Variants in HS1BP3 observed in about 807,000 individuals in gnomAD.
The protein encoded by HS1BP3 is HCLS1-binding protein 3.
In HS1BP3, 32 loss-of-function variants were observed where a neutral mutation model predicts 33.5. The observed-to-expected ratio is 0.95, with a 90% CI of 0.72 to 1.28. The LOEUF (loss-of-function observed/expected upper bound fraction) is 1.28. Among genes scored for constraint, HS1BP3 ranks in the 50% most tolerant of loss-of-function variants. HS1BP3 has a pLI of 0.00. For missense variants in HS1BP3, 486 were observed against 502.3 expected, an observed-to-expected ratio of 0.97 and a Z score of 0.31; for synonymous variants, 187 against 209.2, an observed-to-expected ratio of 0.89 and a Z score of 0.92.
intron 2 of HS1BP3, among the ~76,000 whole-genome samples, chr2:20,603,881 A>G (rs1361655507): frequency 1.3e-5 from 2 of 152,204 alleles, no homozygotes; most frequent in Non-Finnish European, 2.9e-5. Context: ...CTTCCCAGCT[A>G]TGTAAGCTCC....
At chr2:20,641,223 A>AG in intron 2 of HS1BP3, 43 bp from the exon 3 acceptor site, 2 of 1,555,486 alleles carry the variant, frequency 1.3e-6, no homozygotes, top group Non-Finnish European at 1.7e-6. Context: ...GAAGAGTGGC[A>AG]GGCAGTGCTC....
chr2:20,588,889 T>C (rs1348048366), downstream of HS1BP3, among the ~76,000 whole-genome samples: 1 of 152,222 alleles, frequency 6.6e-6, no homozygotes, highest in Non-Finnish European at 1.5e-5. Context: ...CTCAGCCTTC[T>C]GAGAGCCTGA....
rs1695680883 is a variant in HS1BP3 at position 20,651,042 on chromosome 2, C to G, written c.22G>C (p.Val8Leu). ...GGGGGTCTGGCTCACCTGGAGGTGA[C>G]GAGCACCGCCGGGGACTGCATGACG... MQSPAVLVTSRRLQNAHT... is the reference protein window; with the variant it reads MQSPAVLLTSRRLQNAHT... The change falls in exon 1 of 7, where the codon GTC becomes CTC. Residue 8 changes from valine (V) to leucine (L), a missense_variant. Physicochemically the swap from Val to Leu is conservative, Grantham distance 32. Transcript: ENST00000304031. The G allele has an allele frequency of 8.1e-7, 1 of 1,240,238 alleles. No homozygotes were observed. Among genetic ancestry groups the G allele is most frequent in the Non-Finnish European group, 1.0e-6 (1 of 992,786 alleles). The allele number at this position is 1,240,238 out of a possible 1,614,324, so 76.8% of individuals were successfully genotyped here. A position where few individuals can be genotyped will look rare whatever the true frequency, so the allele number is the denominator to read the frequency against.
chr2:20,556,312 T>C (rs1692839352), downstream of HS1BP3, among the ~76,000 whole-genome samples: 1 of 152,246 alleles, frequency 6.6e-6, no homozygotes. Context: ...GGTAATTTGC[T>C]TAAACCTTGG....
At chr2:20,587,269 C>T (rs749324398) in intron 5 of HS1BP3, among the ~76,000 whole-genome samples, 3 of 152,038 alleles carry the variant, frequency 2.0e-5, no homozygotes, top group East Asian at 1.9e-4. Context: ...GGAAAAGAAA[C>T]GAAAGTGAAA....
intron 5 of HS1BP3, among the ~76,000 whole-genome samples, chr2:20,587,540 G>A (rs990491542): frequency 6.6e-6 from 1 of 152,182 alleles, no homozygotes; most frequent in Non-Finnish European, 1.5e-5. Context: ...AGAGCAGGAT[G>A]TTTGTGTTCA....
At chr2:20,560,270 A>G (rs563989060), downstream of HS1BP3, among the ~76,000 whole-genome samples, 2 of 152,236 alleles carry the variant, frequency 1.3e-5, no homozygotes, top group African/African-American at 2.4e-5. Flanking sequence ...CAGGCCCACT[A>G]TCTCATTTGT....
At chr2:20,601,898 A>G (rs1694080252) in intron 2 of HS1BP3, among the ~76,000 whole-genome samples, 1 of 142,634 alleles carries the variant, frequency 7.0e-6, no homozygotes, top group Non-Finnish European at 1.5e-5. Flanking sequence ...CATATCTTGT[A>G]AGTTATGTTG....
At chr2:20,565,196 C>T (rs1336850271) in intron 5 of HS1BP3, among the ~76,000 whole-genome samples, 1 of 152,164 alleles carries the variant, frequency 6.6e-6, no homozygotes, top group Admixed American at 6.5e-5. Flanking sequence ...AGAGCTAGCC[C>T]CCAGCTCAGT....
chr2:20,570,104 T>C (rs913311953), intron 5 of HS1BP3, among the ~76,000 whole-genome samples: 6 of 152,130 alleles, frequency 3.9e-5, no homozygotes, highest in African/African-American at 1.4e-4. Flanking sequence ...CCACAAGCAA[T>C]TCCAGGGCTT....
intron 5 of HS1BP3, among the ~76,000 whole-genome samples, chr2:20,579,723 C>A (rs189910899): frequency 1.1e-4 from 17 of 152,370 alleles, no homozygotes; most frequent in Admixed American, 7.8e-4. Context: ...AATACCCTCC[C>A]TCCAGGACCA....
chr2:20,648,439 C>T (rs767537421), intron 1 of HS1BP3, among the ~76,000 whole-genome samples: 3 of 152,212 alleles, frequency 2.0e-5, no homozygotes, highest in Admixed American at 6.5e-5. Context: ...CTCCTCTGGT[C>T]TGACTTGTCA....
At chr2:20,641,226 C>A (rs371635959) in intron 2 of HS1BP3, 46 bp from the exon 3 acceptor site, 1 of 1,548,120 alleles carries the variant, frequency 6.5e-7, no homozygotes, top group Non-Finnish European at 8.8e-7. Flanking sequence ...GAGTGGCAGG[C>A]AGTGCTCCTT....
At chr2:20,602,504 G>T (rs1210222704) in intron 2 of HS1BP3, among the ~76,000 whole-genome samples, 1 of 151,320 alleles carries the variant, frequency 6.6e-6, no homozygotes, top group Non-Finnish European at 1.5e-5. Flanking sequence ...GGAATAAAGT[G>T]GAGTATAAAA....
At chr2:20,566,600 GTT>G (rs796882255) in intron 5 of HS1BP3, among the ~76,000 whole-genome samples, 1 of 145,846 alleles carries the variant, frequency 6.9e-6, no homozygotes, top group African/African-American at 2.6e-5. Context: ...TTTGTCACAG[GTT>G]TTTTTTTTTG....
At chr2:20,606,053 A>G (rs1694170114) in intron 2 of HS1BP3, among the ~76,000 whole-genome samples, 1 of 152,078 alleles carries the variant, frequency 6.6e-6, no homozygotes. Context: ...ACCATTCTAC[A>G]TTCCTATCAG....
chr2:20,562,403 C>T (rs1040610225), intron 5 of HS1BP3, among the ~76,000 whole-genome samples: 1 of 152,144 alleles, frequency 6.6e-6, no homozygotes, highest in Non-Finnish European at 1.5e-5. Flanking sequence ...CACTTGAGCC[C>T]AGGAGTTTGA....
At chr2:20,582,121 G>A (rs2149276002) in intron 5 of HS1BP3, among the ~76,000 whole-genome samples, 2 of 152,336 alleles carry the variant, frequency 1.3e-5, no homozygotes, top group Middle Eastern at 6.8e-3. Context: ...TTAGAAATAA[G>A]TCACCGGTGC....
intron 5 of HS1BP3, among the ~76,000 whole-genome samples, chr2:20,582,447 A>G (rs972561844): frequency 6.6e-6 from 1 of 151,404 alleles, no homozygotes; most frequent in Non-Finnish European, 1.5e-5. Context: ...GGCAGCACAG[A>G]TAAGTGAGGG....
Sources: allele counts gnomAD v4.1 joint callset (sites outside exome capture counted in the v4.1 genomes callset), GRCh38; gene constraint gnomAD v4.1.1; transcripts MANE v1.5; gene names NCBI Gene and HGNC (gene_info 2026-07-23, HGNC 2026-07-21).